STRN4: variants seen among roughly 807,000 people sequenced by gnomAD.
STRN4 encodes the protein striatin-4.
A neutral mutation model predicts 77.9 loss-of-function variants in STRN4; 27 were observed. The ratio of observed to expected loss-of-function variants is 0.35; its 90% CI spans 0.26 to 0.48. The LOEUF (loss-of-function observed/expected upper bound fraction) is 0.48. STRN4 is among the 20% of genes least tolerant of loss of function. STRN4 has a pLI of 0.99. For synonymous variants in STRN4, 466 were observed against 443.1 expected (o/e 1.05, Z -0.65); for missense variants, 798 against 1,049.7 (o/e 0.76, Z 3.31).
In STRN4 at chr19:46,720,591, C is replaced by T. The variant is rs1371424171; in HGVS notation, c.*11G>A. On this transcript the variant is annotated 3_prime_UTR_variant, in exon 17 of 18. Transcript: ENST00000263280. ...AGCCAGCGTGGCGGCCAGGGCAGGG[C>T]CAGGTGGGCATCATACGAAGACCTT... The T allele has an allele frequency of 6.4e-7, 1 of 1,557,724 alleles. No individual in the cohort carries two copies. The highest frequency in any genetic ancestry group is 8.7e-7 in the Non-Finnish European group (1 of 1,146,632).
Position 46,722,801 on chromosome 19 carries a change from C to T in STRN4, c.1906+9G>A, listed in dbSNP as rs1164398949. 1.9e-6 allele frequency: 3 copies of T among 1,613,366 alleles called. No individual in the cohort carries two copies. The highest frequency in any genetic ancestry group is 2.5e-6 in the Non-Finnish European group (3 of 1,179,730). ...GACCAATTCCATGAGCTGATGTCAGCCCCCTTACCGCTGCTGCCCCGGGAC... is the reference window on the plus strand; with the variant it reads ...GACCAATTCCATGAGCTGATGTCAGTCCCCTTACCGCTGCTGCCCCGGGAC... On this transcript the variant is annotated intron_variant, in intron 14 of 17. Transcript: ENST00000263280.
rs1352473914 is a variant in STRN4 at position 46,727,529 on chromosome 19, T to C, written c.1171A>G (p.Thr391Ala). Residue 391 changes from threonine (T) to alanine (A), a missense_variant, in exon 9 of 18, where the codon ACT (threonine) becomes GCT (alanine). By Grantham distance (58) the Thr-to-Ala change is moderately conservative (BLOSUM62 0). Transcript: ENST00000263280. ...RPHEDVFIMDTIGGGEVSLGD... is the reference protein window; with the variant it reads ...RPHEDVFIMDAIGGGEVSLGD... ...AGGCTCACCTCCCCGCCCCCGATAG[T>C]GTCCATGATGAAGACGTCTGAGGAG... is the stretch of plus-strand genomic sequence containing the variant. The C allele has an allele frequency of 6.2e-6, 10 of 1,613,658 alleles. No individual in the cohort carries two copies. The highest frequency in any genetic ancestry group is 7.6e-6 in the Non-Finnish European group (9 of 1,179,942).
chr19:46,721,006 C>A, intron 16 of STRN4: 1 of 415,098 alleles, frequency 2.4e-6, no homozygotes. Flanking sequence ...CACACTGAGC[C>A]CCAGGGCGGC....
Position 46,724,751 on chromosome 19 carries a change from A to T in STRN4, c.1594+56T>A, listed in dbSNP as rs576167368. On this transcript the variant is annotated intron_variant, in intron 12 of 17. Coordinates refer to ENST00000263280, the MANE Select transcript of STRN4 (RefSeq NM_013403.3). ...GTGGACGCGACGTGTGTGTGCGTGG[A>T]GGGGACGGCCAGGCCCCAGTGGATG... The T allele has an allele frequency of 1.3e-4, 204 of 1,612,268 alleles. 3 individuals carry two copies. In the South Asian group the frequency reaches 2.1e-3, roughly 17 times the overall value.
At chr19:46,728,590 G>T (rs370821524) in intron 7 of STRN4, 28 bp downstream of exon 7, 4 of 1,603,170 alleles carry the variant, frequency 2.5e-6, no homozygotes, top group East Asian at 2.2e-5. Context: ...GAAGGCAAGC[G>T]GGGGCTGGCC....
chr19:46,722,218 C>T (rs755492677), intron 15 of STRN4, 24 bp downstream of exon 15: 21 of 1,611,084 alleles, frequency 1.3e-5, no homozygotes, highest in Middle Eastern at 1.6e-4. Context: ...CCACCCACTA[C>T]GAGCACAAGG....
intron 6 of STRN4, among the ~76,000 whole-genome samples, chr19:46,729,956 C>CTGGGAGGATGGAG: frequency 6.6e-6 from 1 of 152,254 alleles, no homozygotes; most frequent in South Asian, 2.1e-4. Context: ...AGCTGGGCCT[C>CTGGGAGGATGGAG]GATGGAGGGC....
intron 5 of STRN4, chr19:46,731,378 G>GGGATC (rs2054248657): frequency 6.1e-6 from 1 of 164,088 alleles, no homozygotes; most frequent in Non-Finnish European, 1.3e-5. Context: ...CTACCCAGGA[G>GGGATC]CCTGCACTAT....
intron 7 of STRN4, chr19:46,728,359 C>A (rs1036993619): frequency 1.7e-6 from 1 of 592,226 alleles, no homozygotes; most frequent in Non-Finnish European, 3.0e-6. Flanking sequence ...CAGAGCTGGA[C>A]GCCCGCCCTG....
At chr19:46,726,537 C>T (rs898827927) in intron 9 of STRN4, among the ~76,000 whole-genome samples, 1 of 151,264 alleles carries the variant, frequency 6.6e-6, no homozygotes, top group Non-Finnish European at 1.5e-5. Context: ...GCCAGGAAGT[C>T]CCAGGGGAGA....
Position 46,727,526 on chromosome 19 carries a change from T to TA in STRN4, c.1173dup (p.Ile392TyrfsTer28). 6.2e-7 allele frequency: 1 copy of TA among 1,613,340 alleles called. No individual in the cohort carries two copies. Among genetic ancestry groups the TA allele is most frequent in the Non-Finnish European group, 8.5e-7 (1 of 1,179,834 alleles). On this transcript the variant is annotated frameshift_variant, in exon 9 of 18. Coordinates refer to ENST00000263280, the MANE Select transcript of STRN4 (RefSeq NM_013403.3). LOFTEE classifies it high-confidence loss of function. ...CCCAGGCTCACCTCCCCGCCCCCGA[T>TA]AGTGTCCATGATGAAGACGTCTGAG...
At position 46,728,943 on chromosome 19, in the gene STRN4, C is replaced by T. The variant is rs2054187418; in HGVS notation, c.880-166G>A. ...GGAGCGCCCCCTGCTGGGCCTTGGA[C>T]AGCTGCTACCACTAGGGCCGGTCGG... On this transcript the variant is annotated intron_variant, in intron 6 of 17. Coordinates refer to ENST00000263280, the MANE Select transcript of STRN4 (RefSeq NM_013403.3). The T allele has an allele frequency of 1.1e-4, 106 of 943,972 alleles. 1 individual carries two copies. The South Asian group carries it at 1.8e-3, about 16-fold the overall frequency. The allele number at this position is 943,972 out of a possible 1,614,324, so 58.5% of individuals were successfully genotyped here. A position where few individuals can be genotyped will look rare whatever the true frequency, so the allele number is the denominator to read the frequency against.
chr19:46,738,173 A>C lies in STRN4; in HGVS notation c.451T>G (p.Ser151Ala). 6.2e-7 allele frequency: 1 copy of C among 1,614,188 alleles called. No homozygotes were observed. The highest frequency in any genetic ancestry group is 8.5e-7 in the Non-Finnish European group (1 of 1,180,018). Residue 151 changes from serine (S) to alanine (A), a missense_variant, in exon 3 of 18, where the codon TCA becomes GCA. Physicochemically the swap from Ser to Ala is moderately conservative, Grantham distance 99. Around this residue, in one of 2 missense-constraint regions of STRN4, gnomAD observed 511 missense variants for 575.9 expected, o/e 0.89. Transcript: ENST00000263280. This position sits in a 1 kb window ranked among gnomAD's most constrained non-coding sequence, Gnocchi z 4.5. The part of the protein sequence containing the change: ...LNQGEKKADV[S>A]EQVSNGPVES... The stretch of plus-strand genomic sequence containing the variant: ...ATCAGAGGGTGGGTACCTTGTTCTG[A>C]CACATCTGCTTTCTTCTCCCCCTGG...
chr19:46,724,748 T>C (rs1246768911), intron 12 of STRN4, 59 bp downstream of exon 12: 1 of 1,611,892 alleles, frequency 6.2e-7, no homozygotes, highest in Non-Finnish European at 8.5e-7. Context: ...TGTGTGTGCG[T>C]GGAGGGGACG....
chr19:46,725,815 A>G, intron 9 of STRN4, 167 bp from the exon 10 acceptor site: 4 of 848,846 alleles, frequency 4.7e-6, no homozygotes, highest in Non-Finnish European at 7.1e-6. Context: ...TCTGCTGGGC[A>G]GAGTCTCCAT....
At chr19:46,727,430 G>C (rs781588312) in intron 9 of STRN4, 22 bp downstream of exon 9, 11 of 1,602,102 alleles carry the variant, frequency 6.9e-6, no homozygotes, top group Non-Finnish European at 6.8e-6. Flanking sequence ...GGGACAGTGT[G>C]GGGGGCACCC....
intron 7 of STRN4, chr19:46,728,230 C>T (rs2054167562): frequency 3.0e-6 from 2 of 657,844 alleles, no homozygotes; most frequent in East Asian, 5.5e-5. Flanking sequence ...CCCAGCCACC[C>T]ATCCCACGTA....
chr19:46,745,579 C>T (rs573116499), intron 1 of STRN4, among the ~76,000 whole-genome samples: 1 of 152,288 alleles, frequency 6.6e-6, no homozygotes, highest in East Asian at 1.9e-4. Flanking sequence ...CCCATCTGGA[C>T]CCGCTCTTTC....
chr19:46,746,038 C>A (rs1408769029), intron 1 of STRN4, 111 bp downstream of exon 1: 17 of 1,198,332 alleles, frequency 1.4e-5, no homozygotes, highest in East Asian at 6.9e-5. Context: ...CCCGCCCCCC[C>A]GCCGGCCGTC....
Sources: allele counts gnomAD v4.1 joint callset (sites outside exome capture counted in the v4.1 genomes callset), GRCh38; gene constraint gnomAD v4.1.1; regional missense constraint gnomAD v4.1.1; non-coding constraint Gnocchi (gnomAD v3.1); transcripts MANE v1.5; gene names NCBI Gene and HGNC (gene_info 2026-07-23, HGNC 2026-07-21).